IBTK: variants seen among roughly 807,000 people sequenced by gnomAD.
IBTK encodes the protein BTK-binding protein.
Under a neutral mutation model 154.9 loss-of-function variants are expected in IBTK, and 83 were observed. That is an observed-to-expected ratio of 0.54 (90% CI 0.45 to 0.64). The LOEUF (loss-of-function observed/expected upper bound fraction) is 0.64. Ranked by LOEUF, IBTK falls within the 30% of genes least tolerant of loss-of-function variation. IBTK has a pLI of 0.00. For synonymous variants in IBTK, 515 were observed against 536.1 expected, an observed-to-expected ratio of 0.96 and a Z score of 0.54; for missense variants, 1,332 against 1,584.6, an observed-to-expected ratio of 0.84 and a Z score of 2.71.
intron 4 of IBTK, among the ~76,000 whole-genome samples, chr6:82,228,235 A>C (rs1770367827): frequency 6.6e-6 from 1 of 152,186 alleles, no homozygotes; most frequent in Non-Finnish European, 1.5e-5. Flanking sequence ...GTAAGAAATA[A>C]AGAAACCCTA....
chr6:82,209,770 C>T (rs151306205), intron 16 of IBTK, among the ~76,000 whole-genome samples: 24 of 152,296 alleles, frequency 1.6e-4, no homozygotes, highest in Non-Finnish European at 2.5e-4. Context: ...CATACCATGT[C>T]TCAGTTATCT....
chr6:82,221,775 C>T (rs985729232), intron 8 of IBTK, among the ~76,000 whole-genome samples: 13 of 152,260 alleles, frequency 8.5e-5, no homozygotes, highest in African/African-American at 3.1e-4. Context: ...TTACATATCA[C>T]CTCAAACTCA....
At position 82,193,548 on chromosome 6, in the gene IBTK, A is replaced by C. The variant is rs1479069189; in HGVS notation, c.3338+931T>G. Among the ~76,000 whole-genome samples the C allele has an allele frequency of 5.3e-5, 8 of 152,376 alleles. 1 individual carries two copies. The East Asian group carries it at 1.5e-3, about 29-fold the overall frequency. On this transcript the variant is annotated intron_variant, in intron 23 of 28. Coordinates refer to ENST00000306270, the MANE Select transcript of IBTK (RefSeq NM_015525.4). ...ATAGCCTATTTCAAAAGAATTAAAC[A>C]GTCCAGATGATAATATGTCAATTAA...
At chr6:82,220,835 T>C (rs891151327) in intron 8 of IBTK, 122 bp from the exon 9 acceptor site, 3 of 830,866 alleles carry the variant, frequency 3.6e-6, no homozygotes, top group Non-Finnish European at 5.4e-6. Flanking sequence ...TGAAGTAAAA[T>C]GATTTGGTCT....
chr6:82,186,466 T>C (rs1562074424), intron 25 of IBTK, among the ~76,000 whole-genome samples: 1 of 152,212 alleles, frequency 6.6e-6, no homozygotes, highest in Non-Finnish European at 1.5e-5. Flanking sequence ...CATTAAGGTT[T>C]TTTTTTGTAG....
chr6:82,227,120 A>T, intron 5 of IBTK, 72 bp downstream of exon 5: 2 of 992,480 alleles, frequency 2.0e-6, no homozygotes, highest in Non-Finnish European at 3.1e-6. Flanking sequence ...AAAAAAATTT[A>T]GTTAATTAAA....
At chr6:82,235,367 A>G (rs1480885090) in intron 2 of IBTK, among the ~76,000 whole-genome samples, 1 of 151,962 alleles carries the variant, frequency 6.6e-6, no homozygotes, top group Non-Finnish European at 1.5e-5. Context: ...AGGTGGGTGG[A>G]TGAATCGCCT....
intron 19 of IBTK, among the ~76,000 whole-genome samples, chr6:82,200,980 A>G (rs1383072455): frequency 1.3e-5 from 2 of 152,022 alleles, no homozygotes; most frequent in Non-Finnish European, 2.9e-5. Flanking sequence ...TGAATACTCA[A>G]TAACTTCCTA....
chr6:82,215,145 T>C (rs1287125290), intron 11 of IBTK, among the ~76,000 whole-genome samples: 1 of 152,162 alleles, frequency 6.6e-6, no homozygotes, highest in African/African-American at 2.4e-5. Context: ...ATTTCACCCT[T>C]CTCAGTAGGA....
chr6:82,208,820 A>G (rs969889994), intron 16 of IBTK, among the ~76,000 whole-genome samples: 1 of 152,196 alleles, frequency 6.6e-6, no homozygotes, highest in African/African-American at 2.4e-5. Flanking sequence ...AGAAGGAGAG[A>G]AAATACTTGC....
At chr6:82,184,749 T>G (rs2127800299) in intron 25 of IBTK, among the ~76,000 whole-genome samples, 2 of 152,288 alleles carry the variant, frequency 1.3e-5, no homozygotes, top group South Asian at 4.1e-4. Flanking sequence ...ATATTTAGAG[T>G]GCTAATTTGT....
At chr6:82,205,470 T>A (rs887079942) in intron 16 of IBTK, 1 of 152,300 alleles carries the variant, frequency 6.6e-6, no homozygotes, top group Non-Finnish European at 1.5e-5. Context: ...TTCCTTAATT[T>A]AAAACAACTT....
rs956727373 is a variant in IBTK at position 82,182,330 on chromosome 6, G to A, written c.3576-302C>T. ...AAGCTCATTAAAAATAGGTAAGTTC[G>A]GCAAAAGAAAAGAAACTATTAAAAA... On this transcript the variant is annotated intron_variant, in intron 25 of 28. Transcript: ENST00000306270. 4.0e-5 allele frequency among the ~76,000 whole-genome samples: 6 copies of A among 151,354 alleles called. No individual in the cohort carries two copies. The South Asian group carries it at 6.3e-4, about 16-fold the overall frequency.
intron 23 of IBTK, among the ~76,000 whole-genome samples, chr6:82,192,957 G>A (rs186691762): frequency 3.8e-4 from 58 of 151,824 alleles, no homozygotes; most frequent in African/African-American, 1.4e-3. Context: ...AATTGGCTGA[G>A]CATGGTGGCA....
At position 82,240,679 on chromosome 6, in the gene IBTK, T is replaced by C. The variant is rs942529125; in HGVS notation, c.-193A>G. On this transcript the variant is annotated 5_prime_UTR_variant, in exon 2 of 29. Transcript: ENST00000306270. Reference sequence around the variant, plus strand: ...TTTTTTGGCACTTAAATCAAAAAAATTATAAATAGCTCTATAAAGTTCATA... The same window carrying C: ...TTTTTTGGCACTTAAATCAAAAAAACTATAAATAGCTCTATAAAGTTCATA... 16 of 526,086 alleles carry C rather than the reference T, an allele frequency of 3.0e-5. No individual in the cohort carries two copies. The highest frequency in any genetic ancestry group is 4.6e-5 in the Non-Finnish European group (14 of 302,024). The allele number at this position is 526,086 out of a possible 1,614,324, so 32.6% of individuals were successfully genotyped here.
chr6:82,181,511 C>T (rs1408733057), intron 26 of IBTK, among the ~76,000 whole-genome samples: 3 of 151,996 alleles, frequency 2.0e-5, no homozygotes, highest in Admixed American at 6.6e-5. Context: ...AGATTAGTAG[C>T]TGCTTGGGAG....
At position 82,196,454 on chromosome 6, in the gene IBTK, A is replaced by G. The variant is rs1768989769; in HGVS notation, c.3026-8T>C. The stretch of plus-strand genomic sequence containing the variant: ...TACCAGACTTTAATAATCCTAAAAC[A>G]TGAAATTAAAAAAAATTAAACACAT... On this transcript the variant is annotated splice_polypyrimidine_tract_variant and splice_region_variant and intron_variant, in intron 21 of 28. Transcript: ENST00000306270. 1 of 1,581,670 alleles carries G rather than the reference A, an allele frequency of 6.3e-7. No individual in the cohort carries two copies. The highest frequency in any genetic ancestry group is 1.8e-5 in the Admixed American group (1 of 55,454).
chr6:82,211,563 C>T lies in IBTK; in HGVS notation c.2301G>A (p.Leu767=). Residue 767 remains leucine (L), a synonymous_variant, in exon 14 of 29, where the codon CTG becomes CTA. Transcript: ENST00000306270. The part of the protein sequence containing the change: ...LKLSQKKCSF[L]CDVTMKSVDG... ...CCACTGATTTCATGGTCACGTCACA[C>T]AGAAATGAACTGCAAGAAAATGTTT... 1 of 1,612,298 alleles carries T rather than the reference C, an allele frequency of 6.2e-7. No individual in the cohort carries two copies. Among genetic ancestry groups the T allele is most frequent in the South Asian group, 1.1e-5 (1 of 91,050 alleles).
rs561306088 is a variant in IBTK at position 82,207,711 on chromosome 6, A to T, written c.2510-2753T>A. Among the ~76,000 whole-genome samples, 13 of 152,346 alleles carry T rather than the reference A, an allele frequency of 8.5e-5. No individual in the cohort carries two copies. The South Asian group carries it at 2.7e-3, about 32-fold the overall frequency. On this transcript the variant is annotated intron_variant, in intron 16 of 28. Coordinates refer to ENST00000306270, the MANE Select transcript of IBTK (RefSeq NM_015525.4). Reference sequence around the variant, plus strand: ...ACAACAAAGCAATGGTAATCAAGACACTGCTGTACTGGCATAAAGAGAGTT... The same window carrying T: ...ACAACAAAGCAATGGTAATCAAGACTCTGCTGTACTGGCATAAAGAGAGTT...
Sources: gnomAD v4.1 joint callset for allele counts (sites outside exome capture counted in the v4.1 genomes callset) on GRCh38, gnomAD v4.1.1 for gene constraint, MANE v1.5 for transcripts, NCBI Gene and HGNC (gene_info 2026-07-23, HGNC 2026-07-21) for gene names.